Variants in TAFA1 observed in about 807,000 individuals in gnomAD.
TAFA1 encodes the protein TAFA chemokine like family member 1.
Under a neutral mutation model 18.5 loss-of-function variants are expected in TAFA1, and 4 were observed. The ratio of observed to expected loss-of-function variants is 0.22; its 90% CI spans 0.11 to 0.49. The LOEUF (loss-of-function observed/expected upper bound fraction) is 0.49. TAFA1 is among the 20% of genes least tolerant of loss of function. The pLI, the probability that TAFA1 is intolerant of heterozygous loss-of-function variation, is 0.98. For synonymous variants in TAFA1, 56 were observed against 55.2 expected, an observed-to-expected ratio of 1.01 and a Z score of -0.06; for missense variants, 147 against 169.0, an observed-to-expected ratio of 0.87 and a Z score of 0.72.
At chr3:68,426,099 A>G (rs1229147611) in intron 3 of TAFA1, among the ~76,000 whole-genome samples, 5 of 141,206 alleles carry the variant, frequency 3.5e-5, no homozygotes, top group Admixed American at 3.4e-4. Context: ...AATCAAAGTA[A>G]TATATATAAT....
At chr3:68,371,196 C>A (rs542919910) in intron 2 of TAFA1, among the ~76,000 whole-genome samples, 13 of 151,986 alleles carry the variant, frequency 8.6e-5, no homozygotes, top group Admixed American at 6.6e-4. Flanking sequence ...AAACTGCAGA[C>A]GATTCTTATT....
At chr3:68,118,101 CTAT>C (rs1442649194) in intron 2 of TAFA1, among the ~76,000 whole-genome samples, 1 of 152,062 alleles carries the variant, frequency 6.6e-6, no homozygotes, top group African/African-American at 2.4e-5. Flanking sequence ...CTTTATATTT[CTAT>C]TATTATTACA....
chr3:68,098,426 A>G (rs777590506), intron 2 of TAFA1, among the ~76,000 whole-genome samples: 5 of 152,144 alleles, frequency 3.3e-5, no homozygotes, highest in African/African-American at 1.2e-4. Flanking sequence ...ATAAAAGTAA[A>G]TATATAAAGG....
chr3:68,521,445 AACAC>A (rs1342184577), intron 3 of TAFA1, among the ~76,000 whole-genome samples: 1 of 152,160 alleles, frequency 6.6e-6, no homozygotes, highest in African/African-American at 2.4e-5. Context: ...TGGTGCATTA[AACAC>A]ACAACTGGAA....
chr3:68,077,908 A>C (rs1210888283), intron 2 of TAFA1, among the ~76,000 whole-genome samples: 3 of 150,938 alleles, frequency 2.0e-5, no homozygotes, highest in South Asian at 2.1e-4. Context: ...GGCAGTATGG[A>C]CACTTTCACG....
intron 2 of TAFA1, among the ~76,000 whole-genome samples, chr3:68,271,509 T>C (rs183258972): frequency 1.2e-4 from 19 of 152,202 alleles, no homozygotes; most frequent in African/African-American, 4.1e-4. Flanking sequence ...AAAGAAAGAA[T>C]GTTGGGTGGG....
intron 2 of TAFA1, among the ~76,000 whole-genome samples, chr3:68,120,234 TTTC>T (rs2065380320): frequency 5.1e-5 from 7 of 137,628 alleles, no homozygotes; most frequent in East Asian, 2.1e-4. Context: ...TCTTTCTTTC[TTTC>T]TTTCTTTCTT....
intron 2 of TAFA1, among the ~76,000 whole-genome samples, chr3:68,320,634 G>C (rs912609232): frequency 6.6e-6 from 1 of 152,052 alleles, no homozygotes; most frequent in Non-Finnish European, 1.5e-5. Flanking sequence ...TGTGACCCAG[G>C]GCCAGAGGTG....
At chr3:68,210,512 C>T (rs538596696) in intron 2 of TAFA1, among the ~76,000 whole-genome samples, 1 of 152,130 alleles carries the variant, frequency 6.6e-6, no homozygotes, top group South Asian at 2.1e-4. Flanking sequence ...CTCAAAGTTC[C>T]AATGTTTACC....
chr3:67,994,535 T>C, the TAFA1 span, among the ~76,000 whole-genome samples: 1 of 152,206 alleles, frequency 6.6e-6, no homozygotes, highest in Admixed American at 6.5e-5. Flanking sequence ...GAAGCTGTCT[T>C]AATTCATCAC....
chr3:68,386,196 C>T (rs2070099952), intron 2 of TAFA1, among the ~76,000 whole-genome samples: 1 of 152,060 alleles, frequency 6.6e-6, no homozygotes. Flanking sequence ...CTGTTGTTAT[C>T]CTTATTTTTT....
intron 2 of TAFA1, among the ~76,000 whole-genome samples, chr3:68,259,762 G>A (rs1362088927): frequency 1.3e-5 from 2 of 151,732 alleles, no homozygotes; most frequent in Admixed American, 6.6e-5. Context: ...GTATAAGAAT[G>A]CTTGTGATTT....
chr3:68,398,628 T>G (rs192989125), intron 2 of TAFA1, among the ~76,000 whole-genome samples: 219 of 152,296 alleles, frequency 1.4e-3, no homozygotes, highest in Admixed American at 2.7e-3. Flanking sequence ...TATAGTTTAC[T>G]GTGAGGAAGA....
chr3:68,325,469 T>C (rs2068761035), intron 2 of TAFA1, among the ~76,000 whole-genome samples: 1 of 152,100 alleles, frequency 6.6e-6, no homozygotes, highest in African/African-American at 2.4e-5. Context: ...GATTTTAGAG[T>C]AGAGCCTGGC....
chr3:68,117,571 C>T (rs2065338853), intron 2 of TAFA1, among the ~76,000 whole-genome samples: 1 of 152,124 alleles, frequency 6.6e-6, no homozygotes. Flanking sequence ...CTCTATATAA[C>T]CTTGGGCAGT....
At position 68,076,540 on chromosome 3, in the gene TAFA1, G is replaced by A. The variant is rs566566327; in HGVS notation, c.118+69796G>A. Among the ~76,000 whole-genome samples, 297 of 142,534 alleles carry A rather than the reference G, an allele frequency of 2.1e-3. 1 individual carries two copies. The highest frequency in any genetic ancestry group is 3.9e-3 in the Non-Finnish European group (260 of 67,128). 93.5% of individuals were successfully genotyped at this position (142,534 alleles called of 152,430 possible). A position where few individuals can be genotyped will look rare whatever the true frequency, so the allele number is the denominator to read the frequency against. ...ATCTCATCGTTCAATTCCCACCTAC[G>A]AGTGAGAATATGCGGTGTTTGGTTT... On this transcript the variant is annotated intron_variant, in intron 2 of 4. Transcript: ENST00000478136.
At chr3:68,447,072 A>G (rs1035697622) in intron 3 of TAFA1, among the ~76,000 whole-genome samples, 1 of 152,190 alleles carries the variant, frequency 6.6e-6, no homozygotes, top group Non-Finnish European at 1.5e-5. Context: ...ATATTTTTAA[A>G]GGATTTGTAT....
At chr3:68,224,644 CTCCTG>C (rs2066773812) in intron 2 of TAFA1, among the ~76,000 whole-genome samples, 1 of 152,138 alleles carries the variant, frequency 6.6e-6, no homozygotes, top group South Asian at 2.1e-4. Flanking sequence ...TAGAGTCACC[CTCCTG>C]GTTGAAGCTC....
chr3:68,304,182 C>T (rs1442177884), intron 2 of TAFA1, among the ~76,000 whole-genome samples: 1 of 152,022 alleles, frequency 6.6e-6, no homozygotes, highest in African/African-American at 2.4e-5. Context: ...TACACAATAG[C>T]TGTGTGATTT....
Sources: allele counts gnomAD v4.1 joint callset (sites outside exome capture counted in the v4.1 genomes callset), GRCh38; gene constraint gnomAD v4.1.1; transcripts MANE v1.5; gene names NCBI Gene and HGNC (gene_info 2026-07-23, HGNC 2026-07-21).